TBC1D22A: variants seen among roughly 807,000 people sequenced by gnomAD.
TBC1D22A encodes the protein TBC1 domain family member 22A.
In TBC1D22A, 38 loss-of-function variants were observed where a neutral mutation model predicts 60.2. The ratio of observed to expected loss-of-function variants is 0.63; its 90% confidence interval spans 0.49 to 0.83. The LOEUF (loss-of-function observed/expected upper bound fraction) is 0.83, where lower values mean the gene tolerates loss of function less well. TBC1D22A is among the 40% of genes least tolerant of loss of function. The pLI, the probability that TBC1D22A is intolerant of heterozygous loss-of-function variation, is 0.00. For missense variants in TBC1D22A, 628 were observed against 701.0 expected, an observed-to-expected ratio of 0.90 and a Z score of 1.18; for synonymous variants, 302 against 281.7, an observed-to-expected ratio of 1.07 and a Z score of -0.72.
At chr22:47,040,147 G>A (rs1021863278) in intron 11 of TBC1D22A, among the ~76,000 whole-genome samples, 4 of 151,716 alleles carry the variant, frequency 2.6e-5, no homozygotes, top group Non-Finnish European at 4.4e-5. Context: ...AGGTTTCACC[G>A]TGTTAGCCAG....
chr22:47,126,724 TGTG>T (rs2066472196), intron 12 of TBC1D22A, among the ~76,000 whole-genome samples: 2 of 152,340 alleles, frequency 1.3e-5, no homozygotes, highest in Middle Eastern at 3.4e-3. Context: ...CCAGGGACCC[TGTG>T]GTTCCAGGAA....
intron 1 of TBC1D22A, among the ~76,000 whole-genome samples, chr22:46,779,248 G>A (rs1380778157): frequency 6.6e-6 from 1 of 152,196 alleles, no homozygotes; most frequent in East Asian, 1.9e-4. Flanking sequence ...AACTTTGGCT[G>A]TGACATCACT....
intron 8 of TBC1D22A, chr22:46,915,241 A>G: frequency 2.8e-6 from 1 of 361,770 alleles, no homozygotes; most frequent in South Asian, 2.1e-5. Flanking sequence ...CTCATAGACC[A>G]GGGACCCGCA....
intron 4 of TBC1D22A, among the ~76,000 whole-genome samples, chr22:46,832,926 G>A (rs1368369292): frequency 6.6e-6 from 1 of 152,150 alleles, no homozygotes; most frequent in Admixed American, 6.5e-5. Flanking sequence ...AGGGCGGATG[G>A]TGTCCATCCC....
At chr22:47,124,738 G>C (rs1057271313) in intron 12 of TBC1D22A, among the ~76,000 whole-genome samples, 1 of 152,108 alleles carries the variant, frequency 6.6e-6, no homozygotes, top group Non-Finnish European at 1.5e-5. Context: ...CTGGAGGAGC[G>C]TTGGGCCTTC....
intron 4 of TBC1D22A, among the ~76,000 whole-genome samples, chr22:46,840,367 C>T (rs984859786): frequency 2.6e-5 from 4 of 152,190 alleles, no homozygotes; most frequent in Non-Finnish European, 5.9e-5. Flanking sequence ...AGGGGCTCAA[C>T]ATCACTAATC....
intron 9 of TBC1D22A, among the ~76,000 whole-genome samples, chr22:46,977,603 G>T (rs952514922): frequency 1.3e-5 from 2 of 152,176 alleles, no homozygotes; most frequent in Admixed American, 6.5e-5. Context: ...GTCTGTTCTC[G>T]CACTGCTTAA....
At chr22:46,890,992 T>C (rs2147597458) in intron 5 of TBC1D22A, among the ~76,000 whole-genome samples, 1 of 152,284 alleles carries the variant, frequency 6.6e-6, no homozygotes, top group Non-Finnish European at 1.5e-5. Flanking sequence ...GTGGGACTGT[T>C]GTCCAGGTGA....
At chr22:46,788,361 A>C (rs1297245467) in intron 1 of TBC1D22A, among the ~76,000 whole-genome samples, 1 of 152,202 alleles carries the variant, frequency 6.6e-6, no homozygotes, top group Non-Finnish European at 1.5e-5. Flanking sequence ...GTTTAAAATA[A>C]TGCTCATCTC....
intron 11 of TBC1D22A, among the ~76,000 whole-genome samples, chr22:47,078,994 A>T (rs985604690): frequency 1.1e-4 from 16 of 151,892 alleles, no homozygotes; most frequent in Middle Eastern, 3.2e-3. Flanking sequence ...CCCTCTCTAA[A>T]CACCCTGTAT....
chr22:47,149,134 C>T (rs1390518718), intron 12 of TBC1D22A, among the ~76,000 whole-genome samples: 1 of 152,156 alleles, frequency 6.6e-6, no homozygotes, highest in African/African-American at 2.4e-5. Flanking sequence ...GTCCAGTCCC[C>T]TGGGGCTGGG....
intron 10 of TBC1D22A, among the ~76,000 whole-genome samples, chr22:47,019,318 C>A (rs1171608868): frequency 6.6e-6 from 1 of 152,254 alleles, no homozygotes; most frequent in Non-Finnish European, 1.5e-5. Flanking sequence ...ATCTGTGAAA[C>A]GTCCACTGTG....
At chr22:46,887,972 A>G (rs1477792427) in intron 5 of TBC1D22A, among the ~76,000 whole-genome samples, 1 of 152,328 alleles carries the variant, frequency 6.6e-6, no homozygotes, top group Non-Finnish European at 1.5e-5. Context: ...AGATGGGGCT[A>G]GAGTCTGGCT....
chr22:46,873,027 AAGG>A (rs1351890956), intron 4 of TBC1D22A, among the ~76,000 whole-genome samples: 1 of 152,212 alleles, frequency 6.6e-6, no homozygotes, highest in East Asian at 1.9e-4. Context: ...CCAGCTGACA[AAGG>A]AGAAGTTTTT....
At chr22:46,862,174 A>T (rs137897747) in intron 4 of TBC1D22A, among the ~76,000 whole-genome samples, 509 of 152,268 alleles carry the variant, frequency 3.3e-3, no homozygotes, top group African/African-American at 0.012. Flanking sequence ...ATTGGGTGGA[A>T]CGCGGTATGG....
chr22:46,935,909 T>C (rs5769273), intron 8 of TBC1D22A, among the ~76,000 whole-genome samples: 82,730 of 149,116 alleles, frequency 0.55, 23,713 homozygotes, highest in East Asian at 0.72. Flanking sequence ...TCCTCTGAAC[T>C]CTGAACCCAT....
At position 47,015,269 on chromosome 22, in the gene TBC1D22A, G is replaced by A. The variant is rs533691410; in HGVS notation, c.1201+17560G>A. Among the ~76,000 whole-genome samples the A allele has an allele frequency of 2.0e-5, 3 of 152,328 alleles. No individual in the cohort carries two copies. In the East Asian group the frequency reaches 5.8e-4, roughly 29 times the overall value. On this transcript the variant is annotated intron_variant, in intron 10 of 12. Transcript: ENST00000337137. ...CGGTTCCTGGCGCAGGTGCCTGGGG[G>A]CGCCTAGAGGAGTGCGAGACTCCCG...
intron 4 of TBC1D22A, among the ~76,000 whole-genome samples, chr22:46,812,931 G>A (rs1437933147): frequency 6.6e-6 from 1 of 152,136 alleles, no homozygotes; most frequent in Non-Finnish European, 1.5e-5. Flanking sequence ...GATCTTTGTG[G>A]CGTGTACGGT....
intron 7 of TBC1D22A, among the ~76,000 whole-genome samples, chr22:46,901,666 C>G (rs1009695677): frequency 6.6e-6 from 1 of 151,942 alleles, no homozygotes; most frequent in Non-Finnish European, 1.5e-5. Context: ...TAGATTTCTA[C>G]AGTTCGATTT....
Sources: gnomAD v4.1 joint callset for allele counts (sites outside exome capture counted in the v4.1 genomes callset) on GRCh38, gnomAD v4.1.1 for gene constraint, MANE v1.5 for transcripts, NCBI Gene and HGNC (gene_info 2026-07-23, HGNC 2026-07-21) for gene names.